Variants in MAP4K4 observed in about 807,000 individuals in gnomAD.
The protein encoded by MAP4K4 is mitogen-activated protein kinase kinase kinase kinase 4.
A neutral mutation model predicts 189.6 loss-of-function variants in MAP4K4; 38 were observed. The ratio of observed to expected loss-of-function variants is 0.20; its 90% CI spans 0.15 to 0.26. The LOEUF (loss-of-function observed/expected upper bound fraction) is 0.26, where lower values mean the gene tolerates loss of function less well. Ranked by LOEUF, MAP4K4 falls within the 10% of genes least tolerant of loss-of-function variation. The pLI, the probability that MAP4K4 is intolerant of heterozygous loss-of-function variation, is 1.00. For synonymous variants in MAP4K4, 610 were observed against 624.3 expected (o/e 0.98, Z 0.34); for missense variants, 1,054 against 1,726.9 (o/e 0.61, Z 6.91).
At chr2:101,803,466 T>G (rs1575823323) in intron 3 of MAP4K4, among the ~76,000 whole-genome samples, 1 of 152,370 alleles carries the variant, frequency 6.6e-6, no homozygotes, top group Non-Finnish European at 1.5e-5. Context: ...TTTGAAACAC[T>G]TAAAATGGTG....
At chr2:101,734,508 C>T (rs1167551882) in intron 2 of MAP4K4, among the ~76,000 whole-genome samples, 26 of 152,216 alleles carry the variant, frequency 1.7e-4, no homozygotes, top group Non-Finnish European at 3.1e-4. Flanking sequence ...TACATTCTTT[C>T]GTATCAGCAG....
chr2:101,764,738 G>T (rs940138926), intron 2 of MAP4K4, among the ~76,000 whole-genome samples: 2 of 152,060 alleles, frequency 1.3e-5, no homozygotes, highest in African/African-American at 4.8e-5. Context: ...TCATAACCTA[G>T]AGTAATATAA....
chr2:101,772,973 T>A (rs1329211076), intron 2 of MAP4K4, among the ~76,000 whole-genome samples: 1 of 152,198 alleles, frequency 6.6e-6, no homozygotes, highest in Non-Finnish European at 1.5e-5. Flanking sequence ...AAAGTCGGTT[T>A]CTTTGCATTG....
At chr2:101,815,096 A>G (rs2095641639) in intron 3 of MAP4K4, among the ~76,000 whole-genome samples, 2 of 152,258 alleles carry the variant, frequency 1.3e-5, no homozygotes, top group Admixed American at 6.5e-5. Context: ...GTTTATAGCA[A>G]TTGAGATCAA....
At chr2:101,797,532 T>C in intron 3 of MAP4K4, 1 of 564,928 alleles carries the variant, frequency 1.8e-6, no homozygotes, top group Non-Finnish European at 2.7e-6. Flanking sequence ...TTTCCTCGTC[T>C]TGTATTTTCT....
chr2:101,728,896 G>A (rs1359007155), intron 2 of MAP4K4, among the ~76,000 whole-genome samples: 8 of 152,146 alleles, frequency 5.3e-5, no homozygotes, highest in Admixed American at 3.3e-4. Flanking sequence ...GTATGTGAGA[G>A]AAACTGATTT....
chr2:101,873,906 T>C lies in MAP4K4; in HGVS notation c.3070+142T>C, dbSNP rs556254032. ...CTTCCCATCCCAGTTGTATGCCTTA[T>C]TTGCAATGAGATGCAGAGTCCATTT... On this transcript the variant is annotated intron_variant, in intron 25 of 32. Transcript: ENST00000324219. The C allele has an allele frequency of 3.4e-5, 27 of 788,746 alleles. No homozygotes were observed. The South Asian group carries it at 4.5e-4, about 13-fold the overall frequency. The allele number at this position is 788,746 out of a possible 1,614,324, so 48.9% of individuals were successfully genotyped here. A position where few individuals can be genotyped will look rare whatever the true frequency, so the allele number is the denominator to read the frequency against.
chr2:101,891,422 T>A, exon 33 of MAP4K4: 1 of 578,578 alleles, frequency 1.7e-6, no homozygotes, highest in South Asian at 2.2e-5. Context: ...TATACCAGTT[T>A]ATCCCCATTC....
chr2:101,890,517 C>T (rs1175681073), intron 32 of MAP4K4, among the ~76,000 whole-genome samples: 3 of 151,744 alleles, frequency 2.0e-5, no homozygotes, highest in Non-Finnish European at 4.4e-5. Flanking sequence ...AGTGCAGTGG[C>T]GTGATCTCGG....
exon 22 of MAP4K4, chr2:101,869,638 C>G (rs2097921606): frequency 1.2e-6 from 2 of 1,610,146 alleles, no homozygotes; most frequent in Admixed American, 3.4e-5. Flanking sequence ...ACCGCACTGG[C>G]CAAAGAGCTT....
At chr2:101,873,856 C>A in intron 25 of MAP4K4, 92 bp downstream of exon 25, 1 of 936,866 alleles carries the variant, frequency 1.1e-6, no homozygotes, top group Non-Finnish European at 1.6e-6. Flanking sequence ...TGGTTGTTCA[C>A]AGGCACAGAC....
intron 10 of MAP4K4, among the ~76,000 whole-genome samples, chr2:101,840,903 A>G (rs2096897720): frequency 6.6e-6 from 1 of 152,264 alleles, no homozygotes; most frequent in Admixed American, 6.5e-5. Context: ...ATACTTAGTT[A>G]TAAAAGTAAT....
chr2:101,872,023 T>C (rs1199140845), intron 24 of MAP4K4, among the ~76,000 whole-genome samples: 3 of 152,236 alleles, frequency 2.0e-5, no homozygotes, highest in Non-Finnish European at 2.9e-5. Context: ...GAAATTCTTA[T>C]AGTCATTTGT....
At chr2:101,872,647 G>A (rs773166019) in intron 24 of MAP4K4, among the ~76,000 whole-genome samples, 14 of 152,256 alleles carry the variant, frequency 9.2e-5, no homozygotes, top group Admixed American at 2.6e-4. Flanking sequence ...GCTTGGCATC[G>A]GCTAGACTGG....
In MAP4K4 at chr2:101,856,572, A is replaced by ATTC. The variant is rs1313710355; in HGVS notation, c.1395+435_1395+436insTCT. ...ATCCAGTGGCTAAGTGAATACTGTA[A>ATTC]TATATATCAGCATGTAATTCTGTAT... On this transcript the variant is annotated intron_variant, in intron 13 of 32. Coordinates refer to ENST00000324219, the Ensembl canonical transcript of MAP4K4. Among the ~76,000 whole-genome samples, 3 of 152,356 alleles carry ATTC rather than the reference A, an allele frequency of 2.0e-5. No individual in the cohort carries two copies. The East Asian group carries it at 5.8e-4, about 29-fold the overall frequency.
At chr2:101,857,043 G>A (rs148569805) in intron 13 of MAP4K4, among the ~76,000 whole-genome samples, 3 of 152,266 alleles carry the variant, frequency 2.0e-5, no homozygotes, top group Non-Finnish European at 4.4e-5. Context: ...ACTGTGTAGC[G>A]CGTGTGCTTT....
intron 21 of MAP4K4, 77 bp downstream of exon 21, chr2:101,868,114 C>T (rs966100319): frequency 5.4e-6 from 8 of 1,470,462 alleles, no homozygotes; most frequent in Middle Eastern, 1.7e-4. Flanking sequence ...ATTCGAGCTG[C>T]GGTCCTGCTC....
chr2:101,737,434 T>G (rs1174109380), intron 2 of MAP4K4, among the ~76,000 whole-genome samples: 1 of 31,672 alleles, frequency 3.2e-5, no homozygotes, highest in South Asian at 1.5e-3. Flanking sequence ...GAGATATATA[T>G]ATATATATAT....
chr2:101,818,277 A>G (rs1226073745), intron 3 of MAP4K4, among the ~76,000 whole-genome samples: 3 of 152,188 alleles, frequency 2.0e-5, no homozygotes, highest in East Asian at 1.9e-4. Context: ...TCATTTGTAC[A>G]TTTTGGTGCC....
Sources: gnomAD v4.1 joint callset for allele counts (sites outside exome capture counted in the v4.1 genomes callset) on GRCh38, gnomAD v4.1.1 for gene constraint, MANE v1.5 for transcripts, NCBI Gene and HGNC (gene_info 2026-07-23, HGNC 2026-07-21) for gene names.